Variants in DRG1 observed in about 807,000 individuals in gnomAD.
The protein encoded by DRG1 is developmentally regulated GTP binding protein 1, also known as developmentally-regulated GTP-binding protein 1.
Under a neutral mutation model 38.8 loss-of-function variants are expected in DRG1, and 19 were observed. That is an observed-to-expected ratio of 0.49 (90% CI 0.34 to 0.72). The LOEUF is 0.72. Among genes scored for constraint, DRG1 ranks in the 30% least tolerant of loss-of-function variants. DRG1 has a pLI of 0.01. For missense variants in DRG1, 299 were observed against 444.8 expected, an observed-to-expected ratio of 0.67 and a Z score of 2.95; for synonymous variants, 167 against 157.5, an observed-to-expected ratio of 1.06 and a Z score of -0.45.
intron 4 of DRG1, among the ~76,000 whole-genome samples, chr22:31,415,031 C>T (rs1189113914): frequency 6.6e-6 from 1 of 152,152 alleles, no homozygotes; most frequent in Non-Finnish European, 1.5e-5. Context: ...CTCTTCTCAG[C>T]TTCCCGAGTA....
At chr22:31,419,710 A>G (rs2050065404) in intron 4 of DRG1, among the ~76,000 whole-genome samples, 1 of 152,018 alleles carries the variant, frequency 6.6e-6, no homozygotes, top group Admixed American at 6.6e-5. Context: ...ACATGGATAC[A>G]ATTAAAAAAA....
chr22:31,400,871 G>A, intron 2 of DRG1, 128 bp downstream of exon 2: 5 of 1,123,276 alleles, frequency 4.5e-6, no homozygotes, highest in Non-Finnish European at 6.1e-6. Flanking sequence ...CTAGCATGCT[G>A]GGAGGCTGAG....
intron 2 of DRG1, among the ~76,000 whole-genome samples, chr22:31,401,323 C>A (rs1250009626): frequency 1.1e-4 from 16 of 151,804 alleles, no homozygotes; most frequent in Admixed American, 1.1e-3. Flanking sequence ...TGGCTCACGC[C>A]TGTAATCCTA....
intron 5 of DRG1, among the ~76,000 whole-genome samples, chr22:31,420,701 C>T (rs376104389): frequency 8.5e-5 from 13 of 152,210 alleles, no homozygotes; most frequent in Non-Finnish European, 1.3e-4. Flanking sequence ...AGTAGATGGC[C>T]GCCAATATCT....
chr22:31,428,751 C>G (rs557045014), intron 8 of DRG1, among the ~76,000 whole-genome samples: 1 of 152,234 alleles, frequency 6.6e-6, no homozygotes, highest in South Asian at 2.1e-4. Context: ...CTTAGACTTT[C>G]ACTGTCATTG....
Position 31,420,266 on chromosome 22 carries a change from C to T in DRG1, c.423C>T (p.Thr141=). The T allele has an allele frequency of 6.2e-7, 1 of 1,613,854 alleles. No homozygotes were observed. The highest frequency in any genetic ancestry group is 8.5e-7 in the Non-Finnish European group (1 of 1,179,870). ...RGRQVIAVAR[T]CNLILIVLDV... ...TTTCTTACTCTTCAGTGGCCCGAAC[C>T]TGTAACTTGATCTTGATTGTTCTGG... is the stretch of plus-strand genomic sequence containing the variant. The change falls in exon 5 of 9, where the codon ACC becomes ACT. Residue 141 remains threonine (T), a synonymous_variant. Coordinates refer to ENST00000331457, the MANE Select transcript of DRG1 (RefSeq NM_004147.4).
At chr22:31,422,690 C>T (rs563605709) in intron 5 of DRG1, among the ~76,000 whole-genome samples, 3 of 152,152 alleles carry the variant, frequency 2.0e-5, no homozygotes, top group East Asian at 1.9e-4. Flanking sequence ...CCCATTATCC[C>T]GTCTTAATAT....
intron 8 of DRG1, among the ~76,000 whole-genome samples, chr22:31,428,358 C>T (rs893223954): frequency 1.3e-5 from 2 of 152,018 alleles, no homozygotes; most frequent in Non-Finnish European, 2.9e-5. Context: ...ACTACAGGTG[C>T]CCGCCACCAC....
intron 6 of DRG1, among the ~76,000 whole-genome samples, chr22:31,424,989 G>A (rs1366502961): frequency 6.6e-6 from 1 of 151,468 alleles, no homozygotes; most frequent in Admixed American, 6.6e-5. Context: ...TTTTAGTAGA[G>A]ACGGGGTTTC....
At position 31,417,078 on chromosome 22, in the gene DRG1, T is replaced by A. The variant is rs1003164283; in HGVS notation, c.413-3178T>A. On this transcript the variant is annotated intron_variant, in intron 4 of 8. Coordinates refer to ENST00000331457, the MANE Select transcript of DRG1 (RefSeq NM_004147.4). ...CACCCTGTCTCAAAAAAAAAAATAA[T>A]AATAATAATAAGGCCGGGCATGGTG... is the stretch of plus-strand genomic sequence containing the variant. 4.9e-4 allele frequency among the ~76,000 whole-genome samples: 69 copies of A among 142,204 alleles called. No individual in the cohort carries two copies. The Middle Eastern group carries it at 0.012, about 24-fold the overall frequency. The allele number at this position is 142,204 out of a possible 152,430, so 93.3% of individuals were successfully genotyped here.
intron 4 of DRG1, among the ~76,000 whole-genome samples, chr22:31,412,643 C>T (rs1569047407): frequency 6.6e-6 from 1 of 151,984 alleles, no homozygotes; most frequent in African/African-American, 2.4e-5. Context: ...ACCACCGTGC[C>T]TGGCCCTCTC....
intron 3 of DRG1, among the ~76,000 whole-genome samples, chr22:31,407,665 TA>T: frequency 6.7e-6 from 1 of 150,200 alleles, no homozygotes. Context: ...GTTTTATTTT[TA>T]TTTTTTATTT....
chr22:31,428,931 A>T (rs1273099019), intron 8 of DRG1, among the ~76,000 whole-genome samples: 1 of 152,190 alleles, frequency 6.6e-6, no homozygotes, highest in African/African-American at 2.4e-5. Flanking sequence ...GAGATTCATG[A>T]TGTTGATATA....
chr22:31,423,027 A>T (rs1254524986), intron 5 of DRG1, among the ~76,000 whole-genome samples: 1 of 152,126 alleles, frequency 6.6e-6, no homozygotes, highest in Non-Finnish European at 1.5e-5. Flanking sequence ...AATACATCAC[A>T]TTCTGAGATA....
At chr22:31,419,150 GA>G (rs946993665) in intron 4 of DRG1, among the ~76,000 whole-genome samples, 11 of 151,834 alleles carry the variant, frequency 7.2e-5, no homozygotes, top group African/African-American at 2.2e-4. Flanking sequence ...TTTTAATATA[GA>G]AAAAGGCCAG....
intron 2 of DRG1, among the ~76,000 whole-genome samples, 200 bp downstream of exon 2, chr22:31,400,943 CA>C (rs372167369): frequency 0.011 from 1,132 of 105,878 alleles, 7 homozygotes; most frequent in African/African-American, 0.029. Context: ...ACCCCCATCT[CA>C]AAAAAAAAAA....
At chr22:31,403,306 C>A in intron 3 of DRG1, 102 bp downstream of exon 3, 1 of 1,256,360 alleles carries the variant, frequency 8.0e-7, no homozygotes, top group Non-Finnish European at 1.1e-6. Context: ...CTTTGATCTA[C>A]CAGGCACTTA....
chr22:31,405,172 CTTTT>C (rs1278780788), intron 3 of DRG1, among the ~76,000 whole-genome samples: 1 of 139,092 alleles, frequency 7.2e-6, no homozygotes, highest in Admixed American at 7.2e-5. Context: ...AATAAATTTT[CTTTT>C]TTTTTTTTTT....
Position 31,400,362 on chromosome 22 carries a change from A to G in DRG1, c.43-258A>G, listed in dbSNP as rs201730194. 2.2e-4 allele frequency among the ~76,000 whole-genome samples: 33 copies of G among 152,156 alleles called. No individual in the cohort carries two copies. The East Asian group carries it at 4.6e-3, about 21-fold the overall frequency. On this transcript the variant is annotated intron_variant, in intron 1 of 8. Transcript: ENST00000331457. ...ATCCAAACAGCTGCAAATAGTAGAA[A>G]AGGAACCCGCAGACGGGTTTCAGTC...
Sources: gnomAD v4.1 joint callset for allele counts (sites outside exome capture counted in the v4.1 genomes callset) on GRCh38, gnomAD v4.1.1 for gene constraint, MANE v1.5 for transcripts, NCBI Gene and HGNC (gene_info 2026-07-23, HGNC 2026-07-21) for gene names.